The following CEP44 variants were observed in gnomAD, a reference collection of about 807,000 sequenced individuals.
CEP44 encodes the protein centrosomal protein 44, also known as centrosomal protein of 44 kDa.
Under a neutral mutation model 46.7 loss-of-function variants are expected in CEP44, and 45 were observed. The observed-to-expected ratio is 0.96, with a 90% CI of 0.76 to 1.24. The LOEUF (loss-of-function observed/expected upper bound fraction) is 1.24, where lower values mean the gene tolerates loss of function less well. Ranked by LOEUF, CEP44 falls within the 50% of genes most tolerant of loss-of-function variation. The pLI is 0.00. For synonymous variants in CEP44, 142 were observed against 146.0 expected (o/e 0.97, Z 0.20); for missense variants, 475 against 459.7 (o/e 1.03, Z -0.30).
Position 174,293,056 on chromosome 4 carries a change from G to A in CEP44, c.-147-4910G>A, listed in dbSNP as rs551554361. On this transcript the variant is annotated intron_variant, in intron 1 of 11. Coordinates refer to ENST00000503780, the MANE Select transcript of CEP44 (RefSeq NM_001040157.3). ...CTTCTCTTGCTGGGTCCCTTGGTGAGACTGACTTCCAAACCACAGTCACTT... is the reference window on the plus strand; with the variant it reads ...CTTCTCTTGCTGGGTCCCTTGGTGAAACTGACTTCCAAACCACAGTCACTT... Among the ~76,000 whole-genome samples the A allele has an allele frequency of 5.2e-4, 79 of 152,366 alleles. 1 individual carries two copies. The highest frequency in any genetic ancestry group is 1.9e-3 in the African/African-American group (79 of 41,592).
intron 1 of CEP44, among the ~76,000 whole-genome samples, chr4:174,295,706 C>G (rs559662834): frequency 6.6e-6 from 1 of 152,340 alleles, no homozygotes; most frequent in South Asian, 2.1e-4. Context: ...CCATTGAGCA[C>G]TGAGTGAACC....
At chr4:174,317,097 TATA>T (rs1308710656) in intron 11 of CEP44, among the ~76,000 whole-genome samples, 1 of 152,022 alleles carries the variant, frequency 6.6e-6, no homozygotes, top group African/African-American at 2.4e-5. Flanking sequence ...TATAGAAAAT[TATA>T]ATATTATTTA....
intron 6 of CEP44, among the ~76,000 whole-genome samples, chr4:174,305,331 G>A (rs1740259732): frequency 6.6e-6 from 1 of 152,130 alleles, no homozygotes; most frequent in African/African-American, 2.4e-5. Flanking sequence ...GCTGGTGCCT[G>A]TAACCCCAGC....
In CEP44 at chr4:174,290,676, C is replaced by T. The variant is rs961141129; in HGVS notation, c.-148+6733C>T. The stretch of plus-strand genomic sequence containing the variant: ...TGTATTGTATTGATATCTATTTCTT[C>T]CTCCAATTCTATCAATATTTGCTGT... On this transcript the variant is annotated intron_variant, in intron 1 of 11. Coordinates refer to ENST00000503780, the MANE Select transcript of CEP44 (RefSeq NM_001040157.3). The surrounding 1 kb of genome is among the most constrained non-coding windows in gnomAD (Gnocchi z 4.3). Among the ~76,000 whole-genome samples the T allele has an allele frequency of 1.3e-5, 2 of 152,066 alleles. No homozygotes were observed. Among genetic ancestry groups the T allele is most frequent in the East Asian group, 3.8e-4 (2 of 5,196 alleles).
At chr4:174,293,041 T>TG (rs1215850458) in intron 1 of CEP44, among the ~76,000 whole-genome samples, 1 of 152,246 alleles carries the variant, frequency 6.6e-6, no homozygotes, top group Non-Finnish European at 1.5e-5. Context: ...CTTCTCTTGC[T>TG]GGGTCCCTTG....
intron 4 of CEP44, among the ~76,000 whole-genome samples, chr4:174,303,313 C>T (rs866136521): frequency 8.6e-5 from 13 of 151,992 alleles, no homozygotes; most frequent in Middle Eastern, 3.4e-3. Context: ...GGCCTACTGA[C>T]GTATCCAAAA....
chr4:174,310,831 TGTA>T lies in CEP44; in HGVS notation c.937_939del (p.Ser313del). 1 of 1,522,872 alleles carries T rather than the reference TGTA, an allele frequency of 6.6e-7. No homozygotes were observed. Among genetic ancestry groups the T allele is most frequent in the Non-Finnish European group, 9.0e-7 (1 of 1,106,680 alleles). The allele number at this position is 1,522,872 out of a possible 1,614,324, so 94.3% of individuals were successfully genotyped here. Reference sequence around the variant, plus strand: ...TGAAGTTAGTGAAGACTACGCTTCTTGTAGTGACATGGACCTTCTGAATCCTCG... The same window carrying T: ...TGAAGTTAGTGAAGACTACGCTTCTTGTGACATGGACCTTCTGAATCCTCG... On this transcript the variant is annotated inframe_deletion, in exon 9 of 12. Transcript: ENST00000503780. This position sits in a 1 kb window ranked among gnomAD's most constrained non-coding sequence, Gnocchi z 4.2.
chr4:174,317,818 A>C lies in CEP44; in HGVS notation c.*435A>C. The C allele has an allele frequency of 1.0e-6, 1 of 986,014 alleles. No individual in the cohort carries two copies. The highest frequency in any genetic ancestry group is 1.2e-6 in the Non-Finnish European group (1 of 830,032). The allele number at this position is 986,014 out of a possible 1,614,324, so 61.1% of individuals were successfully genotyped here. ...TACCATCTTGGCATCTGTACTGATG[A>C]ATAAGTTATAATGAACAGTTAAAAA... On this transcript the variant is annotated 3_prime_UTR_variant, in exon 12 of 12. Transcript: ENST00000503780.
At position 174,319,315 on chromosome 4, in the gene CEP44, G is replaced by T. The variant is rs1742077326; in HGVS notation, c.*1932G>T. The T allele has an allele frequency of 1.0e-6, 1 of 980,878 alleles. No homozygotes were observed. The highest frequency in any genetic ancestry group is 1.2e-6 in the Non-Finnish European group (1 of 825,962). 60.8% of individuals were successfully genotyped at this position (980,878 alleles called of 1,614,324 possible). A position where few individuals can be genotyped will look rare whatever the true frequency, so the allele number is the denominator to read the frequency against. On this transcript the variant is annotated 3_prime_UTR_variant, in exon 12 of 12. Coordinates refer to ENST00000503780, the MANE Select transcript of CEP44 (RefSeq NM_001040157.3). ...TATAGTTATAAGGGAAAAAACTTCT[G>T]TATCGATTAACTCCTAAAATATCAG... is the stretch of plus-strand genomic sequence containing the variant.
intron 1 of CEP44, among the ~76,000 whole-genome samples, chr4:174,292,530 C>G (rs952074422): frequency 6.6e-6 from 1 of 152,104 alleles, no homozygotes; most frequent in Non-Finnish European, 1.5e-5. Flanking sequence ...CCATAAGTCC[C>G]GTAGTATTAC....
intron 6 of CEP44, among the ~76,000 whole-genome samples, chr4:174,307,811 A>G (rs1439319981): frequency 6.6e-6 from 1 of 152,216 alleles, no homozygotes; most frequent in Non-Finnish European, 1.5e-5. Flanking sequence ...ATGAACATCT[A>G]CTTCTGAAGA....
In CEP44 at chr4:174,310,095, A is replaced by G; in HGVS notation, c.885+39A>G. On this transcript the variant is annotated intron_variant, in intron 8 of 11. Coordinates refer to ENST00000503780, the MANE Select transcript of CEP44 (RefSeq NM_001040157.3). This position sits in a 1 kb window ranked among gnomAD's most constrained non-coding sequence, Gnocchi z 4.2. Reference sequence around the variant, plus strand: ...TTAACATTTATAAAATATCTCAGATATAACAAAGTTTTTTTTTGATTGTTA... The same window carrying G: ...TTAACATTTATAAAATATCTCAGATGTAACAAAGTTTTTTTTTGATTGTTA... 2 of 1,559,022 alleles carry G rather than the reference A, an allele frequency of 1.3e-6. No individual in the cohort carries two copies. The highest frequency in any genetic ancestry group is 2.8e-5 in the African/African-American group (2 of 72,072).
At chr4:174,303,661 TA>T in intron 4 of CEP44, 41 bp from the exon 5 acceptor site, 1 of 1,358,398 alleles carries the variant, frequency 7.4e-7, no homozygotes, top group Non-Finnish European at 1.0e-6. Context: ...ATTTTAGAAA[TA>T]AATTGCTCCC....
chr4:174,320,567 A>G (rs1016466727), downstream of CEP44, among the ~76,000 whole-genome samples: 1 of 23,560 alleles, frequency 4.2e-5, no homozygotes, highest in Non-Finnish European at 1.1e-4. Flanking sequence ...TAAGTCCTAA[A>G]GAGTGAACAG....
intron 4 of CEP44, among the ~76,000 whole-genome samples, chr4:174,302,875 G>A (rs913455761): frequency 2.0e-5 from 3 of 151,482 alleles, no homozygotes; most frequent in Non-Finnish European, 2.9e-5. Context: ...CCGCCTCCTG[G>A]GTTCAAGCAG....
At position 174,309,904 on chromosome 4, in the gene CEP44, C is replaced by G. The variant is rs1186756074; in HGVS notation, c.733C>G (p.Gln245Glu). 1 of 1,612,154 alleles carries G rather than the reference C, an allele frequency of 6.2e-7. No individual in the cohort carries two copies. The highest frequency in any genetic ancestry group is 1.3e-5 in the African/African-American group (1 of 74,912). Residue 245 changes from glutamine to glutamate, a missense_variant, in exon 8 of 12, where the codon CAA (glutamine) becomes GAA (glutamate). By Grantham distance (29) the Gln-to-Glu change is conservative. Coordinates refer to ENST00000503780, the MANE Select transcript of CEP44 (RefSeq NM_001040157.3). The surrounding 1 kb of genome is among the most constrained non-coding windows in gnomAD (Gnocchi z 5.3). The part of the protein sequence containing the change: ...TALQTMLAEC[Q>E]ENLKKLTSIE... ...ACTACAAACTATGCTTGCTGAATGC[C>G]AAGAAAATCTTAAGAAACTGACTTC...
downstream of CEP44, among the ~76,000 whole-genome samples, chr4:174,322,729 T>C (rs752229583): frequency 2.0e-5 from 3 of 152,194 alleles, no homozygotes; most frequent in Admixed American, 6.5e-5. Flanking sequence ...CCCCATATTA[T>C]GATAGAATTC....
chr4:174,324,214 A>G (rs1417719700), downstream of CEP44, among the ~76,000 whole-genome samples: 1 of 152,076 alleles, frequency 6.6e-6, no homozygotes, highest in African/African-American at 2.4e-5. Context: ...AGATTCATCC[A>G]TGTTGTTGTA....
chr4:174,324,852 A>C (rs190219965), downstream of CEP44, among the ~76,000 whole-genome samples: 1 of 152,218 alleles, frequency 6.6e-6, no homozygotes, highest in Admixed American at 6.5e-5. Context: ...TCTTCATATT[A>C]CAAAGTCTGC....
Sources: allele counts gnomAD v4.1 joint callset (sites outside exome capture counted in the v4.1 genomes callset), GRCh38; gene constraint gnomAD v4.1.1; non-coding constraint Gnocchi (gnomAD v3.1); transcripts MANE v1.5; gene names NCBI Gene and HGNC (gene_info 2026-07-23, HGNC 2026-07-21).